The following TGFA variants were observed in gnomAD, a reference collection of about 807,000 sequenced individuals.
TGFA encodes protransforming growth factor alpha.
Under a neutral mutation model 21.7 loss-of-function variants are expected in TGFA, and 12 were observed. The ratio of observed to expected loss-of-function variants is 0.55; its 90% CI spans 0.35 to 0.90. The LOEUF is 0.90. Ranked by LOEUF, TGFA falls within the 40% of genes least tolerant of loss-of-function variation. The pLI is 0.01. For synonymous variants in TGFA, 79 were observed against 88.1 expected, an observed-to-expected ratio of 0.90 and a Z score of 0.58; for missense variants, 178 against 210.8, an observed-to-expected ratio of 0.84 and a Z score of 0.96.
chr2:70,452,924 T>C (rs925033679), intron 5 of TGFA, among the ~76,000 whole-genome samples: 15 of 151,912 alleles, frequency 9.9e-5, no homozygotes, highest in African/African-American at 3.6e-4. Context: ...GCCTGGGTGA[T>C]AGAGTAAGAC....
intron 2 of TGFA, among the ~76,000 whole-genome samples, chr2:70,482,975 G>A (rs1290075400): frequency 6.6e-6 from 1 of 152,166 alleles, no homozygotes; most frequent in African/African-American, 2.4e-5. Flanking sequence ...AAGCTTCTAG[G>A]TAAACCCATG....
intron 1 of TGFA, among the ~76,000 whole-genome samples, chr2:70,518,014 C>T (rs535280469): frequency 6.6e-6 from 1 of 152,362 alleles, no homozygotes; most frequent in East Asian, 1.9e-4. Flanking sequence ...GTGGCCTTGG[C>T]AGGCTCCAAG....
At chr2:70,472,144 G>A (rs1431154096) in intron 2 of TGFA, among the ~76,000 whole-genome samples, 1 of 152,148 alleles carries the variant, frequency 6.6e-6, no homozygotes, top group Non-Finnish European at 1.5e-5. Context: ...ACTTAGAAAA[G>A]GAAGGTGGCA....
In TGFA at chr2:70,514,852, C is replaced by T. The variant is rs376379684; in HGVS notation, c.94+7G>A. The T allele has an allele frequency of 1.9e-5, 30 of 1,613,878 alleles. No individual in the cohort carries two copies. The highest frequency in any genetic ancestry group is 2.5e-5 in the Non-Finnish European group (30 of 1,179,952). ...ACGATCCACACACCCACGGCAGCTG[C>T]ACTCACCACTCAGCGGGGACGTGCT... On this transcript the variant is annotated splice_region_variant and intron_variant, in intron 2 of 5. Transcript: ENST00000295400.
intron 1 of TGFA, among the ~76,000 whole-genome samples, chr2:70,550,024 C>T (rs1283907604): frequency 6.6e-6 from 1 of 152,224 alleles, no homozygotes; most frequent in Admixed American, 6.5e-5. Flanking sequence ...AAAGACATCA[C>T]GTCCAGGTAA....
chr2:70,499,496 A>C (rs1435349010), intron 2 of TGFA, among the ~76,000 whole-genome samples: 1 of 152,198 alleles, frequency 6.6e-6, no homozygotes. Flanking sequence ...TCCTGACTGA[A>C]CCTTTTAGTC....
At chr2:70,486,808 G>A (rs1671284013) in intron 2 of TGFA, among the ~76,000 whole-genome samples, 3 of 151,942 alleles carry the variant, frequency 2.0e-5, no homozygotes, top group Non-Finnish European at 2.9e-5. Flanking sequence ...TGTTGCCCAG[G>A]CTGGAGTGCA....
At chr2:70,504,483 T>TAC (rs58997765) in intron 2 of TGFA, among the ~76,000 whole-genome samples, 4,908 of 91,716 alleles carry the variant, frequency 0.054, 197 homozygotes, top group Middle Eastern at 0.071. Context: ...CATACATACA[T>TAC]ACACACACAC....
chr2:70,467,060 G>C (rs1553492427), intron 2 of TGFA, among the ~76,000 whole-genome samples: 1 of 151,960 alleles, frequency 6.6e-6, no homozygotes, highest in Non-Finnish European at 1.5e-5. Context: ...TGTTGGGGGA[G>C]AACATTAGGG....
intron 5 of TGFA, chr2:70,451,739 T>C: frequency 1.4e-6 from 1 of 700,578 alleles, no homozygotes; most frequent in Non-Finnish European, 2.6e-6. Context: ...CTTCATTAGC[T>C]CAATAGATTA....
At chr2:70,451,991 G>C (rs556236180) in intron 5 of TGFA, among the ~76,000 whole-genome samples, 5 of 152,326 alleles carry the variant, frequency 3.3e-5, no homozygotes, top group African/African-American at 1.2e-4. Context: ...CTCCCTTACT[G>C]TGCACGATGA....
chr2:70,513,504 C>G (rs1005780641), intron 2 of TGFA, among the ~76,000 whole-genome samples: 1 of 152,178 alleles, frequency 6.6e-6, no homozygotes. Flanking sequence ...TTTCCACTTC[C>G]AGCCCCAACA....
intron 1 of TGFA, among the ~76,000 whole-genome samples, chr2:70,532,059 G>A (rs1411986124): frequency 6.6e-6 from 1 of 152,168 alleles, no homozygotes; most frequent in Non-Finnish European, 1.5e-5. Context: ...CAGTACACAA[G>A]AATATCAACA....
chr2:70,480,062 G>A (rs1276971069), intron 2 of TGFA, among the ~76,000 whole-genome samples: 2 of 137,772 alleles, frequency 1.5e-5, no homozygotes, highest in Non-Finnish European at 3.4e-5. Context: ...AATATTTTGG[G>A]GCTAGATAAA....
intron 2 of TGFA, among the ~76,000 whole-genome samples, chr2:70,509,216 G>A (rs1249748994): frequency 2.0e-5 from 3 of 152,180 alleles, no homozygotes; most frequent in Non-Finnish European, 4.4e-5. Flanking sequence ...AATGACTTCA[G>A]CTCCATGTGG....
At chr2:70,488,777 A>G (rs1671342031) in intron 2 of TGFA, among the ~76,000 whole-genome samples, 1 of 152,216 alleles carries the variant, frequency 6.6e-6, no homozygotes, top group African/African-American at 2.4e-5. Context: ...TGGCCCATTT[A>G]CAACAAGGAG....
chr2:70,452,551 A>G (rs1206147973), intron 5 of TGFA, among the ~76,000 whole-genome samples: 33 of 152,140 alleles, frequency 2.2e-4, no homozygotes. Context: ...AGGGAAAGAG[A>G]ATGAACATCT....
At chr2:70,495,748 TATA>T (rs1445866825) in intron 2 of TGFA, among the ~76,000 whole-genome samples, 1 of 152,190 alleles carries the variant, frequency 6.6e-6, no homozygotes. Flanking sequence ...TATCATTAAC[TATA>T]AGCACAATGT....
chr2:70,512,569 T>C (rs1672135817), intron 2 of TGFA, among the ~76,000 whole-genome samples: 1 of 152,226 alleles, frequency 6.6e-6, no homozygotes, highest in Non-Finnish European at 1.5e-5. Context: ...CTCAGAGATG[T>C]TCTCATAGAA....
Sources: allele counts gnomAD v4.1 joint callset (sites outside exome capture counted in the v4.1 genomes callset), GRCh38; gene constraint gnomAD v4.1.1; transcripts MANE v1.5; gene names NCBI Gene and HGNC (gene_info 2026-07-23, HGNC 2026-07-21).